Variants in GDA observed in about 807,000 individuals in gnomAD.
GDA encodes guanine deaminase.
A neutral mutation model predicts 59.6 loss-of-function variants in GDA; 18 were observed. The ratio of observed to expected loss-of-function variants is 0.30; its 90% CI spans 0.21 to 0.45. The LOEUF (loss-of-function observed/expected upper bound fraction) is 0.45, where lower values mean the gene tolerates loss of function less well. Among genes scored for constraint, GDA ranks in the 20% least tolerant of loss-of-function variants. The pLI is 1.00. For missense variants in GDA, 427 were observed against 552.3 expected, an observed-to-expected ratio of 0.77 and a Z score of 2.27; for synonymous variants, 201 against 201.1, an observed-to-expected ratio of 1.00 and a Z score of 0.00.
downstream of GDA, among the ~76,000 whole-genome samples, chr9:72,252,663 T>C (rs1840779078): frequency 6.6e-6 from 1 of 152,228 alleles, no homozygotes; most frequent in Admixed American, 6.5e-5. Flanking sequence ...TTCTCTACTT[T>C]TTTATGGTGC....
Position 72,248,407 on chromosome 9 carries a change from G to A in GDA, c.*65G>A, listed in dbSNP as rs1431651555. 2.5e-6 allele frequency: 4 copies of A among 1,607,304 alleles called. No individual in the cohort carries two copies. Among genetic ancestry groups the A allele is most frequent in the Non-Finnish European group, 2.5e-6 (3 of 1,177,538 alleles). ...GGTTCTGCATCTCCCTTGTGCCCAG[G>A]TGGAGTTAGAAAGTCAAAAAATAGT... On this transcript the variant is annotated 3_prime_UTR_variant, in exon 14 of 14. Coordinates refer to ENST00000358399, the MANE Select transcript of GDA (RefSeq NM_004293.5).
chr9:72,240,876 T>G (rs1186373433), intron 10 of GDA, among the ~76,000 whole-genome samples: 1 of 152,194 alleles, frequency 6.6e-6, no homozygotes, highest in Non-Finnish European at 1.5e-5. Context: ...GACCTCCACA[T>G]TGTGAGAGAA....
intron 1 of GDA, among the ~76,000 whole-genome samples, chr9:72,163,585 C>T (rs1324151365): frequency 3.3e-5 from 5 of 152,074 alleles, no homozygotes; most frequent in South Asian, 2.1e-4. Context: ...CTCCACCTCC[C>T]GGGTTCACGC....
At chr9:72,152,937 G>C (rs1362455991) in intron 1 of GDA, among the ~76,000 whole-genome samples, 1 of 152,146 alleles carries the variant, frequency 6.6e-6, no homozygotes, top group Non-Finnish European at 1.5e-5. Context: ...TAACGTTTAA[G>C]TCTTTAATCC....
At chr9:72,155,329 GC>G (rs1399715180) in intron 1 of GDA, among the ~76,000 whole-genome samples, 1 of 152,120 alleles carries the variant, frequency 6.6e-6, no homozygotes, top group African/African-American at 2.4e-5. Context: ...GGGGGAAACT[GC>G]CCCCATGATT....
chr9:72,128,956 T>C (rs7049046), intron 1 of GDA, among the ~76,000 whole-genome samples: 70,637 of 150,436 alleles, frequency 0.47, 18,303 homozygotes, highest in Non-Finnish European at 0.59. Context: ...ATTACTCCAA[T>C]TTTTTCTTTC....
At position 72,184,073 on chromosome 9, in the gene GDA, G is replaced by C. The variant is rs186580384; in HGVS notation, c.124-11427G>C. 7.9e-5 allele frequency among the ~76,000 whole-genome samples: 12 copies of C among 152,152 alleles called. No individual in the cohort carries two copies. In the East Asian group the frequency reaches 2.3e-3, roughly 29 times the overall value. ...AAATTTAATTTTTAGAGAAGTTTTAGGTTCACAGCAAAGTTGAGAGAAAGG... is the reference window on the plus strand; with the variant it reads ...AAATTTAATTTTTAGAGAAGTTTTACGTTCACAGCAAAGTTGAGAGAAAGG... On this transcript the variant is annotated intron_variant, in intron 1 of 13. Coordinates refer to ENST00000358399, the MANE Select transcript of GDA (RefSeq NM_004293.5).
At chr9:72,228,127 C>G in intron 9 of GDA, 87 bp downstream of exon 9, 3 of 751,648 alleles carry the variant, frequency 4.0e-6, no homozygotes, top group Non-Finnish European at 7.0e-6. Flanking sequence ...TGTCATTCCT[C>G]CAGGATCTCC....
At chr9:72,190,948 A>G (rs1310165617) in intron 1 of GDA, among the ~76,000 whole-genome samples, 2 of 152,112 alleles carry the variant, frequency 1.3e-5, no homozygotes, top group East Asian at 1.9e-4. Flanking sequence ...GGCAGCATCA[A>G]TTTTTTCTTA....
chr9:72,164,711 C>T (rs111300356), intron 1 of GDA, among the ~76,000 whole-genome samples: 14 of 151,862 alleles, frequency 9.2e-5, no homozygotes, highest in Non-Finnish European at 2.1e-4. Context: ...GGGCCGGGCA[C>T]AGTGGCTCAC....
At chr9:72,252,504 G>A (rs576967212), downstream of GDA, among the ~76,000 whole-genome samples, 1 of 152,262 alleles carries the variant, frequency 6.6e-6, no homozygotes, top group South Asian at 2.1e-4. Flanking sequence ...ATTACCCAGA[G>A]TGAGTAATGC....
At chr9:72,118,524 G>A (rs1396300793) in intron 1 of GDA, among the ~76,000 whole-genome samples, 2 of 152,076 alleles carry the variant, frequency 1.3e-5, no homozygotes, top group African/African-American at 4.8e-5. Flanking sequence ...CTAAAGAGTT[G>A]TGGAAATTTA....
chr9:72,185,685 G>C (rs1831779339), intron 1 of GDA, among the ~76,000 whole-genome samples: 1 of 152,152 alleles, frequency 6.6e-6, no homozygotes, highest in South Asian at 2.1e-4. Context: ...GGATGGCTGA[G>C]CTATTTCACA....
chr9:72,121,285 C>A (rs928094612), intron 1 of GDA, among the ~76,000 whole-genome samples: 4 of 152,094 alleles, frequency 2.6e-5, no homozygotes, highest in African/African-American at 9.7e-5. Flanking sequence ...GGATTCAAAC[C>A]AAACTCTGTC....
At chr9:72,256,282 A>C (rs1241161563), downstream of GDA, among the ~76,000 whole-genome samples, 1 of 152,218 alleles carries the variant, frequency 6.6e-6, no homozygotes, top group Admixed American at 6.5e-5. Flanking sequence ...AATTTTAATC[A>C]ACATTCATTT....
chr9:72,198,530 CAA>C (rs57886644), intron 2 of GDA, among the ~76,000 whole-genome samples: 7 of 108,814 alleles, frequency 6.4e-5, no homozygotes, highest in Admixed American at 2.0e-4. Context: ...GACTCCATCT[CAA>C]AAAAAAAAAA....
At chr9:72,122,910 T>C (rs1825713440) in intron 1 of GDA, among the ~76,000 whole-genome samples, 1 of 152,176 alleles carries the variant, frequency 6.6e-6, no homozygotes, top group South Asian at 2.1e-4. Flanking sequence ...CACTTTGACA[T>C]TTTGGGAGAT....
chr9:72,259,761 A>G (rs1427884543), downstream of GDA, among the ~76,000 whole-genome samples: 2 of 152,234 alleles, frequency 1.3e-5, no homozygotes, highest in African/African-American at 4.8e-5. Context: ...GTTGAAGAAT[A>G]TCTTAAAGTC....
chr9:72,159,001 T>A (rs1828281178), intron 1 of GDA, among the ~76,000 whole-genome samples: 1 of 152,174 alleles, frequency 6.6e-6, no homozygotes, highest in Non-Finnish European at 1.5e-5. Context: ...GCCATGCCTG[T>A]CTGATGTCCA....
Sources: allele counts gnomAD v4.1 joint callset (sites outside exome capture counted in the v4.1 genomes callset), GRCh38; gene constraint gnomAD v4.1.1; transcripts MANE v1.5; gene names NCBI Gene and HGNC (gene_info 2026-07-23, HGNC 2026-07-21).